Variants in SORL1-AS1 observed in about 807,000 individuals in gnomAD.
SORL1-AS1 encodes lncRNA 51 A.
exon 2 of SORL1-AS1, chr11:121,447,827 G>C (rs1860742928): frequency 6.6e-6 from 1 of 152,210 alleles, no homozygotes; most frequent in African/African-American, 2.4e-5. Context: ...AAGGGAGACA[G>C]TGCTGGTTAA....
exon 2 of SORL1-AS1, chr11:121,447,441 T>C (rs908907091): frequency 6.6e-6 from 1 of 151,888 alleles, no homozygotes. Flanking sequence ...GCCTCCTAAG[T>C]AGCTGGGACT....
the SORL1-AS1 span, among the ~76,000 whole-genome samples, chr11:121,441,226 G>C: frequency 2.6e-5 from 4 of 152,038 alleles, no homozygotes; most frequent in Non-Finnish European, 5.9e-5. Context: ...TGAATGCTTA[G>C]AATAAGGCCT....
chr11:121,439,382 GT>G, the SORL1-AS1 span, among the ~76,000 whole-genome samples: 1 of 151,582 alleles, frequency 6.6e-6, no homozygotes, highest in Non-Finnish European at 1.5e-5. Context: ...TCTCTTTTAT[GT>G]GGTGTTTATC....
At chr11:121,441,762 G>A in the SORL1-AS1 span, among the ~76,000 whole-genome samples, 1 of 152,212 alleles carries the variant, frequency 6.6e-6, no homozygotes, top group Non-Finnish European at 1.5e-5. Context: ...GAGACAGAAG[G>A]AGCCTGAACT....
At chr11:121,440,189 A>G in the SORL1-AS1 span, among the ~76,000 whole-genome samples, 1 of 152,238 alleles carries the variant, frequency 6.6e-6, no homozygotes, top group Non-Finnish European at 1.5e-5. Flanking sequence ...CCTGGCAAAC[A>G]TGGTGAAACC....
the SORL1-AS1 span, among the ~76,000 whole-genome samples, chr11:121,439,082 G>A: frequency 6.6e-6 from 1 of 152,124 alleles, no homozygotes; most frequent in Non-Finnish European, 1.5e-5. Context: ...AACTTTTTTT[G>A]TAGACATATA....
the SORL1-AS1 span, among the ~76,000 whole-genome samples, chr11:121,438,477 A>G: frequency 1.3e-5 from 2 of 152,004 alleles, no homozygotes; most frequent in Non-Finnish European, 2.9e-5. Context: ...GGCAATGACT[A>G]TTCTGATTTC....
the SORL1-AS1 span, among the ~76,000 whole-genome samples, chr11:121,442,057 T>G: frequency 6.6e-6 from 1 of 152,216 alleles, no homozygotes; most frequent in African/African-American, 2.4e-5. Context: ...AGTTGGAGCA[T>G]GTAAGCTTTA....
In SORL1-AS1 at chr11:121,452,338, A is replaced by G; in HGVS notation, n.339+337T>C. 1 of 1,544,268 alleles carries G rather than the reference A, an allele frequency of 6.5e-7. No individual in the cohort carries two copies. Among genetic ancestry groups the G allele is most frequent in the Non-Finnish European group, 8.7e-7 (1 of 1,150,156 alleles). On this transcript the variant is annotated intron_variant and non_coding_transcript_variant, in intron 1 of 1. Coordinates refer to ENST00000501964, the Ensembl canonical transcript of SORL1-AS1. The surrounding 1 kb of genome is among the most constrained non-coding windows in gnomAD (Gnocchi z 5.3). ...CAGTAGCGTTCGCCCGAACATGGCGACACGGAGCAGCAGGAGGGAGTCGCG... is the reference window on the plus strand; with the variant it reads ...CAGTAGCGTTCGCCCGAACATGGCGGCACGGAGCAGCAGGAGGGAGTCGCG...
chr11:121,452,725 A>G lies in SORL1-AS1; in HGVS notation n.289T>C. 2 of 984,508 alleles carry G rather than the reference A, an allele frequency of 2.0e-6. No homozygotes were observed. The highest frequency in any genetic ancestry group is 2.8e-6 in the Non-Finnish European group (2 of 724,718). 61.0% of individuals were successfully genotyped at this position (984,508 alleles called of 1,614,324 possible). Reference sequence around the variant, plus strand: ...CTCCTAGGTGCAGGCACCACTGGGGACTTCCCGGCTTGCATTTGTTTTTTT... The same window carrying G: ...CTCCTAGGTGCAGGCACCACTGGGGGCTTCCCGGCTTGCATTTGTTTTTTT... On this transcript the variant is annotated non_coding_transcript_exon_variant, in exon 1 of 2. Coordinates refer to ENST00000501964, the Ensembl canonical transcript of SORL1-AS1. This position sits in a 1 kb window ranked among gnomAD's most constrained non-coding sequence, Gnocchi z 5.3.
the SORL1-AS1 span, among the ~76,000 whole-genome samples, chr11:121,441,191 A>C: frequency 6.6e-6 from 1 of 152,174 alleles, no homozygotes; most frequent in Non-Finnish European, 1.5e-5. Context: ...AAGGGAAAAG[A>C]ACCCTTGATT....
the SORL1-AS1 span, among the ~76,000 whole-genome samples, chr11:121,441,303 C>CACGA: frequency 5.3e-5 from 8 of 151,118 alleles, no homozygotes; most frequent in South Asian, 1.7e-3. Flanking sequence ...GCGGGCAGAT[C>CACGA]ACGAGGTCAG....
At chr11:121,445,588 T>TC (rs1218643798), downstream of SORL1-AS1, among the ~76,000 whole-genome samples, 4 of 152,044 alleles carry the variant, frequency 2.6e-5, no homozygotes, top group African/African-American at 9.6e-5. Context: ...CTGAAACCTT[T>TC]CCTCCTTCTC....
the SORL1-AS1 span, among the ~76,000 whole-genome samples, chr11:121,439,340 CT>C: frequency 2.6e-5 from 4 of 151,936 alleles, no homozygotes; most frequent in Non-Finnish European, 5.9e-5. Flanking sequence ...CGCTGAGCAT[CT>C]TTTTTATGTT....
chr11:121,441,169 C>A, the SORL1-AS1 span, among the ~76,000 whole-genome samples: 1 of 152,088 alleles, frequency 6.6e-6, no homozygotes, highest in African/African-American at 2.4e-5. Context: ...GTATTGTTTT[C>A]CACTTCTTCT....
chr11:121,451,537 G>A (rs1311297508), intron 1 of SORL1-AS1, among the ~76,000 whole-genome samples: 1 of 152,224 alleles, frequency 6.6e-6, no homozygotes, highest in Non-Finnish European at 1.5e-5. Context: ...GTGCGTGCAA[G>A]CACACCCTGT....
At chr11:121,445,601 C>T (rs972207071), downstream of SORL1-AS1, among the ~76,000 whole-genome samples, 1 of 152,046 alleles carries the variant, frequency 6.6e-6, no homozygotes, top group Non-Finnish European at 1.5e-5. Flanking sequence ...TCCTTCTCCT[C>T]AGACGCTGAA....
the SORL1-AS1 span, among the ~76,000 whole-genome samples, chr11:121,441,530 C>CAAAAAAAAAAAAAAAA: frequency 7.5e-4 from 39 of 52,298 alleles, 1 homozygote; most frequent in Admixed American, 1.3e-3. Context: ...GACTCTGTCT[C>CAAAAAAAAAAAAAAAA]AAAAAAAAAA....
At chr11:121,442,360 C>G (rs779963130), downstream of SORL1-AS1, among the ~76,000 whole-genome samples, 1 of 152,098 alleles carries the variant, frequency 6.6e-6, no homozygotes, top group Non-Finnish European at 1.5e-5. Flanking sequence ...TGGGGCTGGG[C>G]GAAGTGGCTC....
Sources: allele counts gnomAD v4.1 joint callset (sites outside exome capture counted in the v4.1 genomes callset), GRCh38; gene constraint gnomAD v4.1.1; non-coding constraint Gnocchi (gnomAD v3.1); transcripts MANE v1.5; gene names NCBI Gene and HGNC (gene_info 2026-07-23, HGNC 2026-07-21).